The following NEDD4L variants were observed in gnomAD, a reference collection of about 807,000 sequenced individuals.
NEDD4L encodes NEDD4 like E3 ubiquitin protein ligase, also known as E3 ubiquitin-protein ligase NEDD4-like.
Under a neutral mutation model 148.9 loss-of-function variants are expected in NEDD4L, and 54 were observed. That is an observed-to-expected ratio of 0.36 (90% confidence interval 0.29 to 0.45). NEDD4L has a LOEUF of 0.45. Ranked by LOEUF, NEDD4L falls within the 20% of genes least tolerant of loss-of-function variation. NEDD4L has a pLI of 1.00. For synonymous variants in NEDD4L, 433 were observed against 440.7 expected (o/e 0.98, Z 0.22); for missense variants, 856 against 1,233.8 (o/e 0.69, Z 4.59).
At chr18:58,332,840 C>T (rs768121910) in intron 11 of NEDD4L, among the ~76,000 whole-genome samples, 2 of 152,184 alleles carry the variant, frequency 1.3e-5, no homozygotes, top group Non-Finnish European at 2.9e-5. Flanking sequence ...AATCTTCATT[C>T]ATATCAATTA....
intron 1 of NEDD4L, among the ~76,000 whole-genome samples, chr18:58,051,623 T>C (rs2081875517): frequency 6.6e-6 from 1 of 152,254 alleles, no homozygotes; most frequent in Non-Finnish European, 1.5e-5. Context: ...CAGATTTTAT[T>C]GTTGCCCTTG....
At chr18:58,070,051 C>T (rs996395832) in intron 1 of NEDD4L, among the ~76,000 whole-genome samples, 3 of 152,122 alleles carry the variant, frequency 2.0e-5, no homozygotes, top group African/African-American at 2.4e-5. Flanking sequence ...TGTCACAATT[C>T]GACCATTTGG....
At chr18:58,341,230 G>A (rs1291410776) in intron 14 of NEDD4L, 61 bp downstream of exon 14, 27 of 1,569,948 alleles carry the variant, frequency 1.7e-5, no homozygotes, top group African/African-American at 1.6e-4. Context: ...GTACATGACC[G>A]AACTCCTTTC....
chr18:58,343,013 A>C lies in NEDD4L; in HGVS notation c.1485A>C (p.Thr495=), dbSNP rs759782022. The C allele has an allele frequency of 2.5e-6, 4 of 1,613,836 alleles. No homozygotes were observed. The highest frequency in any genetic ancestry group is 2.5e-6 in the Non-Finnish European group (3 of 1,179,800). Residue 495 remains threonine (T), a synonymous_variant, in exon 16 of 31, where the codon ACA becomes ACC. Transcript: ENST00000400345. ...YNSPKPQHKV[T]QSFLPPGWEM... The stretch of plus-strand genomic sequence containing the variant: ...CCCCCAAACCACAACACAAAGTCAC[A>C]CAGAGCTTCTTGCCACCCGGCTGGG...
At chr18:58,273,845 G>A (rs1251218950) in intron 5 of NEDD4L, among the ~76,000 whole-genome samples, 1 of 152,220 alleles carries the variant, frequency 6.6e-6, no homozygotes, top group Non-Finnish European at 1.5e-5. Flanking sequence ...GGTAGAGATT[G>A]TATCTGTGTG....
intron 5 of NEDD4L, among the ~76,000 whole-genome samples, chr18:58,312,943 G>C (rs573125414): frequency 1.1e-4 from 16 of 152,338 alleles, no homozygotes; most frequent in Admixed American, 7.8e-4. Flanking sequence ...GCCTTCCAAA[G>C]TGCTTAGATT....
intron 1 of NEDD4L, among the ~76,000 whole-genome samples, chr18:58,115,504 T>C (rs1001941329): frequency 1.3e-5 from 2 of 152,174 alleles, no homozygotes; most frequent in Non-Finnish European, 2.9e-5. Context: ...TCAAGATGAG[T>C]TTAAATTTCT....
intron 1 of NEDD4L, among the ~76,000 whole-genome samples, chr18:58,057,929 C>G (rs1218855615): frequency 6.6e-6 from 1 of 152,244 alleles, no homozygotes; most frequent in African/African-American, 2.4e-5. Flanking sequence ...CAAGAATGAG[C>G]AACTTCCCCA....
intron 24 of NEDD4L, among the ~76,000 whole-genome samples, chr18:58,377,538 G>C (rs561372885): frequency 2.0e-5 from 3 of 152,076 alleles, no homozygotes; most frequent in African/African-American, 7.2e-5. Context: ...TGGTTTCTAG[G>C]GCCTAATATG....
At chr18:58,056,711 G>C (rs1451415645) in intron 1 of NEDD4L, among the ~76,000 whole-genome samples, 1 of 152,008 alleles carries the variant, frequency 6.6e-6, no homozygotes, top group Non-Finnish European at 1.5e-5. Flanking sequence ...CTCCCGAGTA[G>C]CTGGGACTAC....
chr18:58,289,868 T>C (rs1043799297), intron 5 of NEDD4L, among the ~76,000 whole-genome samples: 2 of 152,254 alleles, frequency 1.3e-5, no homozygotes, highest in African/African-American at 4.8e-5. Context: ...CTGCCTTAAT[T>C]GTGCTCAAGG....
At chr18:58,230,756 CT>C (rs2045074778) in intron 2 of NEDD4L, among the ~76,000 whole-genome samples, 1 of 152,108 alleles carries the variant, frequency 6.6e-6, no homozygotes, top group South Asian at 2.1e-4. Flanking sequence ...TCAGACAAGA[CT>C]ATTTTCCAAA....
intron 1 of NEDD4L, among the ~76,000 whole-genome samples, chr18:58,065,052 A>C (rs1169477770): frequency 6.6e-6 from 1 of 152,252 alleles, no homozygotes; most frequent in Non-Finnish European, 1.5e-5. Context: ...GTTCTTCAGA[A>C]TATAAATAAC....
At chr18:58,068,987 A>G (rs547515189) in intron 1 of NEDD4L, among the ~76,000 whole-genome samples, 225 of 152,246 alleles carry the variant, frequency 1.5e-3, no homozygotes, top group African/African-American at 5.2e-3. Context: ...AAATATAAAA[A>G]TTAGCTGGGT....
chr18:58,287,445 T>C (rs2054095850), intron 5 of NEDD4L, among the ~76,000 whole-genome samples: 1 of 152,206 alleles, frequency 6.6e-6, no homozygotes, highest in African/African-American at 2.4e-5. Context: ...AGTAGAATTA[T>C]GATGGGTGCC....
chr18:58,371,104 G>A (rs1178647194), intron 23 of NEDD4L, among the ~76,000 whole-genome samples: 3 of 115,444 alleles, frequency 2.6e-5, no homozygotes, highest in Admixed American at 2.4e-4. Context: ...GTGCAGTGGC[G>A]CGATCTTGGC....
At position 58,367,939 on chromosome 18, in the gene NEDD4L, C is replaced by A. The variant is rs2046332778; in HGVS notation, c.2185+72C>A. ...CTAGTAGGTGTCTTATCTTTCGCAT[C>A]ATGGGTTTTTAAGCAAAAGCTTCAC... On this transcript the variant is annotated intron_variant, in intron 22 of 30. Transcript: ENST00000400345. 3 of 1,529,830 alleles carry A rather than the reference C, an allele frequency of 2.0e-6. No homozygotes were observed. The African/African-American group carries it at 4.1e-5, about 21-fold the overall frequency. 94.8% of individuals were successfully genotyped at this position (1,529,830 alleles called of 1,614,324 possible). A position where few individuals can be genotyped will look rare whatever the true frequency, so the allele number is the denominator to read the frequency against.
chr18:58,177,193 C>T (rs79781586), intron 2 of NEDD4L, among the ~76,000 whole-genome samples: 1,694 of 152,162 alleles, frequency 0.011, 30 homozygotes, highest in African/African-American at 0.039. Context: ...CACGCCCGTG[C>T]CCTGAATCTG....
At position 58,072,472 on chromosome 18, in the gene NEDD4L, G is replaced by T. The variant is rs544854088; in HGVS notation, c.48+27764G>T. 3.6e-4 allele frequency among the ~76,000 whole-genome samples: 55 copies of T among 152,224 alleles called. 3 individuals carry two copies. In the South Asian group the frequency reaches 0.011, roughly 30 times the overall value. ...AATCTGTCATGTTAATAGAATAAAA[G>T]ACAAAAACCACATGATCATCTCAGT... On this transcript the variant is annotated intron_variant, in intron 1 of 30. Coordinates refer to ENST00000400345, the MANE Select transcript of NEDD4L (RefSeq NM_001144967.3).
Sources: allele counts gnomAD v4.1 joint callset (sites outside exome capture counted in the v4.1 genomes callset), GRCh38; gene constraint gnomAD v4.1.1; transcripts MANE v1.5; gene names NCBI Gene and HGNC (gene_info 2026-07-23, HGNC 2026-07-21).